OSBPL9: variants seen among roughly 807,000 people sequenced by gnomAD.
OSBPL9 encodes oxysterol binding protein like 9.
In OSBPL9, 40 loss-of-function variants were observed where a neutral mutation model predicts 106.6. That is an observed-to-expected ratio of 0.38 (90% CI 0.29 to 0.49). The LOEUF (loss-of-function observed/expected upper bound fraction) is 0.49, where lower values mean the gene tolerates loss of function less well. Ranked by LOEUF, OSBPL9 falls within the 20% of genes least tolerant of loss-of-function variation. OSBPL9 has a pLI of 0.97. For synonymous variants in OSBPL9, 269 were observed against 295.4 expected (o/e 0.91, Z 0.92); for missense variants, 609 against 887.2 (o/e 0.69, Z 3.98).
chr1:51,603,804 A>G (rs892423154), intron 2 of OSBPL9, among the ~76,000 whole-genome samples: 6 of 152,226 alleles, frequency 3.9e-5, no homozygotes, highest in African/African-American at 1.4e-4. Flanking sequence ...CAAATTATTT[A>G]GGATATGATA....
intron 3 of OSBPL9, among the ~76,000 whole-genome samples, chr1:51,682,260 T>A (rs181376510): frequency 6.6e-6 from 1 of 152,294 alleles, no homozygotes; most frequent in African/African-American, 2.4e-5. Context: ...TGTTTCTTTT[T>A]AAAAATATTT....
At chr1:51,530,193 C>CAAAAAAAAAAAA in the OSBPL9 span, among the ~76,000 whole-genome samples, 12 of 55,658 alleles carry the variant, frequency 2.2e-4, no homozygotes, top group African/African-American at 6.8e-4. Flanking sequence ...AAAAAAAAAA[C>CAAAAAAAAAAAA]AAAAAAAAAA....
chr1:51,672,091 TTGAC>T (rs1455057979), intron 3 of OSBPL9, among the ~76,000 whole-genome samples: 3 of 152,222 alleles, frequency 2.0e-5, no homozygotes, highest in Admixed American at 6.5e-5. Context: ...GGCATTGAAT[TTGAC>T]TGAGATAAAA....
At chr1:51,653,187 C>G (rs1422654168) in intron 2 of OSBPL9, among the ~76,000 whole-genome samples, 3 of 151,120 alleles carry the variant, frequency 2.0e-5, no homozygotes, top group Non-Finnish European at 2.9e-5. Flanking sequence ...AATTCAACTT[C>G]TAGTTTTTGT....
chr1:51,720,871 C>T (rs566684558), intron 4 of OSBPL9, among the ~76,000 whole-genome samples: 80 of 144,182 alleles, frequency 5.5e-4, no homozygotes, highest in African/African-American at 1.8e-3. Context: ...AATCTCAGCT[C>T]ACTGCAGCCT....
intron 3 of OSBPL9, among the ~76,000 whole-genome samples, chr1:51,681,540 C>T (rs773048725): frequency 5.3e-5 from 8 of 152,170 alleles, no homozygotes; most frequent in Middle Eastern, 3.4e-3. Context: ...TTATTATTCC[C>T]ATTGCCATTT....
chr1:51,768,163 G>C (rs1237329179), intron 12 of OSBPL9, among the ~76,000 whole-genome samples: 1 of 151,908 alleles, frequency 6.6e-6, no homozygotes, highest in Non-Finnish European at 1.5e-5. Flanking sequence ...GGATGGTCTC[G>C]ATCTCCTGAC....
intron 3 of OSBPL9, among the ~76,000 whole-genome samples, chr1:51,679,128 T>C (rs1054691434): frequency 2.0e-5 from 3 of 152,206 alleles, no homozygotes; most frequent in African/African-American, 7.2e-5. Flanking sequence ...AATTCGTGTA[T>C]TGGGAGTTTG....
the OSBPL9 span, among the ~76,000 whole-genome samples, chr1:51,554,796 G>A: frequency 6.6e-6 from 1 of 152,184 alleles, no homozygotes; most frequent in African/African-American, 2.4e-5. Flanking sequence ...AATTGTCAAA[G>A]ATGCTGACAG....
In OSBPL9 at chr1:51,787,615, T is replaced by A. The variant is rs1226782961; in HGVS notation, c.2137-100T>A. The A allele has an allele frequency of 3.1e-6, 5 of 1,597,094 alleles. No homozygotes were observed. The East Asian group carries it at 1.1e-4, about 36-fold the overall frequency. On this transcript the variant is annotated intron_variant, in intron 23 of 23. Coordinates refer to ENST00000428468, the MANE Select transcript of OSBPL9 (RefSeq NM_024586.6). ...TCGCTGGTCCCTACTTGAAACTCAT[T>A]TCAGTCTAATGGCGGGGTGGGGAGC...
At chr1:51,577,315 TC>T (rs1403334107) in intron 1 of OSBPL9, 2 of 148,820 alleles carry the variant, frequency 1.3e-5, no homozygotes, top group Non-Finnish European at 2.9e-5. Flanking sequence ...TTTCTCTTTT[TC>T]TTTTCTTTTT....
intron 1 of OSBPL9, among the ~76,000 whole-genome samples, chr1:51,633,390 G>A (rs1046792922): frequency 2.0e-5 from 3 of 151,384 alleles, no homozygotes; most frequent in African/African-American, 7.3e-5. Flanking sequence ...GGCAATGTAG[G>A]GAGACCCCTG....
At chr1:51,683,257 C>T (rs959497111) in intron 3 of OSBPL9, among the ~76,000 whole-genome samples, 4 of 151,950 alleles carry the variant, frequency 2.6e-5, no homozygotes, top group Admixed American at 6.6e-5. Flanking sequence ...CTCGGCTCAC[C>T]GCAACCTCCA....
At position 51,787,377 on chromosome 1, in the gene OSBPL9, C is replaced by T. The variant is rs1677929032; in HGVS notation, c.2025C>T (p.Asn675=). Residue 675 remains asparagine, a synonymous_variant, in exon 23 of 24, where the codon AAC becomes AAT. Transcript: ENST00000428468. ...SRSLWKDVTF[N]LKIRDIDAAT... ...GCCTTTGGAAGGATGTCACTTTCAA[C>T]TTAAAAATCAGAGACATTGATGCAG... 1 of 1,613,980 alleles carries T rather than the reference C, an allele frequency of 6.2e-7. No individual in the cohort carries two copies. The highest frequency in any genetic ancestry group is 8.5e-7 in the Non-Finnish European group (1 of 1,179,896).
At chr1:51,699,872 ACATC>A (rs1323876613) in intron 3 of OSBPL9, among the ~76,000 whole-genome samples, 5 of 152,248 alleles carry the variant, frequency 3.3e-5, no homozygotes, top group Non-Finnish European at 5.9e-5. Flanking sequence ...ACACATGTGT[ACATC>A]CATGTTCATA....
intron 3 of OSBPL9, among the ~76,000 whole-genome samples, chr1:51,688,696 T>C (rs1227878222): frequency 6.6e-6 from 1 of 152,212 alleles, no homozygotes; most frequent in Non-Finnish European, 1.5e-5. Flanking sequence ...ATGAATTTGA[T>C]TTAAGCATAG....
chr1:51,760,835 G>C lies in OSBPL9; in HGVS notation c.673+55G>C. 4 of 1,577,928 alleles carry C rather than the reference G, an allele frequency of 2.5e-6. No individual in the cohort carries two copies. The South Asian group carries it at 4.5e-5, about 18-fold the overall frequency. ...TTGATGAGAAAAAAATAATTTGTGT[G>C]GCTGTCATAGCAGTCTTAGCTATTA... On this transcript the variant is annotated intron_variant, in intron 10 of 23. Transcript: ENST00000428468.
At chr1:51,592,233 G>A (rs1020305070) in intron 1 of OSBPL9, among the ~76,000 whole-genome samples, 1 of 145,492 alleles carries the variant, frequency 6.9e-6, no homozygotes. Flanking sequence ...TCCTGCCCCA[G>A]CCTCCCGAGT....
chr1:51,780,551 TAATGGCATTCA>T (rs1221467557), intron 15 of OSBPL9, among the ~76,000 whole-genome samples: 1 of 152,146 alleles, frequency 6.6e-6, no homozygotes, highest in Non-Finnish European at 1.5e-5. Flanking sequence ...AGGAACGAAA[TAATGGCATTCA>T]CAGCAATCTA....
Sources: allele counts gnomAD v4.1 joint callset (sites outside exome capture counted in the v4.1 genomes callset), GRCh38; gene constraint gnomAD v4.1.1; transcripts MANE v1.5; gene names NCBI Gene and HGNC (gene_info 2026-07-23, HGNC 2026-07-21).